The following SHANK2 variants were observed in gnomAD, a reference collection of about 807,000 sequenced individuals.
SHANK2 encodes SH3 and multiple ankyrin repeat domains protein 2.
SHANK2 carries 43 observed loss-of-function variants against 133.7 expected under a neutral mutation model. The ratio of observed to expected loss-of-function variants is 0.32; its 90% CI spans 0.25 to 0.41. SHANK2 has a LOEUF of 0.41. Among genes scored for constraint, SHANK2 ranks in the 10% least tolerant of loss-of-function variants. The pLI, the probability that SHANK2 is intolerant of heterozygous loss-of-function variation, is 1.00. For synonymous variants in SHANK2, 1,017 were observed against 952.8 expected (o/e 1.07, Z -1.24); for missense variants, 1,994 against 2,235.8 (o/e 0.89, Z 2.18).
At chr11:71,167,724 C>G (rs1953200492) in intron 2 of SHANK2, among the ~76,000 whole-genome samples, 1 of 141,140 alleles carries the variant, frequency 7.1e-6, no homozygotes, top group Non-Finnish European at 1.6e-5. Context: ...AGGGGCTCCT[C>G]ACTTCCCAGT....
At chr11:70,940,604 C>T (rs1309798214) in intron 10 of SHANK2, among the ~76,000 whole-genome samples, 1 of 151,998 alleles carries the variant, frequency 6.6e-6, no homozygotes, top group African/African-American at 2.4e-5. Context: ...TACCCAGTGC[C>T]CCTCCTCCTC....
intron 9 of SHANK2, among the ~76,000 whole-genome samples, chr11:71,057,914 G>GTTTTTTTTTTTTT (rs879235729): frequency 8.3e-6 from 1 of 121,126 alleles, no homozygotes; most frequent in African/African-American, 3.6e-5. Context: ...AAGCAAAACG[G>GTTTTTTTTTTTTT]TTTTTTTTTT....
intron 2 of SHANK2, among the ~76,000 whole-genome samples, chr11:71,191,317 G>A (rs137942404): frequency 3.2e-4 from 49 of 152,184 alleles, no homozygotes; most frequent in African/African-American, 9.1e-4. Context: ...AGATGTCTTC[G>A]CCTGGGCTAC....
At chr11:70,948,528 ATGGGAACACAGAGTC>A (rs1950787700) in intron 10 of SHANK2, among the ~76,000 whole-genome samples, 1 of 152,218 alleles carries the variant, frequency 6.6e-6, no homozygotes, top group African/African-American at 2.4e-5. Context: ...CCCTGTTTCT[ATGGGAACACAGAGTC>A]TGAATCCCAA....
At chr11:70,625,786 C>T (rs1298794013) in intron 17 of SHANK2, among the ~76,000 whole-genome samples, 1 of 131,350 alleles carries the variant, frequency 7.6e-6, no homozygotes, top group Admixed American at 8.7e-5. Context: ...CTCAGTGCAG[C>T]CTCTTGGATC....
intron 25 of SHANK2, chr11:70,477,624 T>C (rs2058679704): frequency 6.6e-6 from 1 of 152,182 alleles, no homozygotes; most frequent in African/African-American, 2.4e-5. Context: ...CGAACATTCC[T>C]GGTGGGGGAG....
chr11:70,883,986 C>G (rs1949697812), intron 11 of SHANK2, among the ~76,000 whole-genome samples: 1 of 152,190 alleles, frequency 6.6e-6, no homozygotes, highest in Non-Finnish European at 1.5e-5. Context: ...AGTCCTCGGT[C>G]TCAGAAGGGT....
chr11:70,732,696 G>C (rs1406779857), intron 14 of SHANK2, among the ~76,000 whole-genome samples: 2 of 152,164 alleles, frequency 1.3e-5, no homozygotes, highest in African/African-American at 4.8e-5. Flanking sequence ...CCATGCCCAC[G>C]CAGCCCATGC....
chr11:70,837,772 C>T (rs533573548), intron 11 of SHANK2, among the ~76,000 whole-genome samples: 6 of 151,826 alleles, frequency 4.0e-5, no homozygotes, highest in South Asian at 2.1e-4. Context: ...GTCAAGAGTT[C>T]GAGACCAGCC....
intron 14 of SHANK2, among the ~76,000 whole-genome samples, chr11:70,770,519 C>T (rs1393169034): frequency 3.3e-5 from 5 of 152,224 alleles, no homozygotes; most frequent in Admixed American, 6.5e-5. Flanking sequence ...GCCAATGAGC[C>T]GGGGTCACCA....
chr11:70,520,448 T>A (rs782676335), intron 17 of SHANK2, among the ~76,000 whole-genome samples: 40 of 152,164 alleles, frequency 2.6e-4, no homozygotes, highest in Non-Finnish European at 5.0e-4. Context: ...ATTATTAGAC[T>A]GAGGTATATA....
intron 2 of SHANK2, among the ~76,000 whole-genome samples, chr11:71,168,205 G>A (rs1953224005): frequency 7.4e-6 from 1 of 135,216 alleles, no homozygotes; most frequent in Admixed American, 7.0e-5. Flanking sequence ...GGGCAGAGGT[G>A]CTCCCCACAT....
At chr11:71,214,753 T>C (rs1310600140) in intron 2 of SHANK2, among the ~76,000 whole-genome samples, 3 of 152,086 alleles carry the variant, frequency 2.0e-5, no homozygotes, top group Non-Finnish European at 4.4e-5. Flanking sequence ...GGGTGGGGTA[T>C]CGCGCAGTTC....
At chr11:70,902,165 G>A (rs559727408) in intron 10 of SHANK2, among the ~76,000 whole-genome samples, 123 of 152,270 alleles carry the variant, frequency 8.1e-4, no homozygotes, top group African/African-American at 2.7e-3. Flanking sequence ...GCGGCCACCC[G>A]GGCAGTGTCA....
intron 17 of SHANK2, among the ~76,000 whole-genome samples, chr11:70,640,948 G>A (rs1280747738): frequency 1.3e-5 from 2 of 152,180 alleles, no homozygotes; most frequent in South Asian, 2.1e-4. Context: ...GAGCCTCTTC[G>A]CTTGAGGCCT....
In SHANK2 at chr11:70,659,734, C is replaced by A. The variant is rs184086475; in HGVS notation, c.2061+94G>T. ...GGCAGCCTCCACAAGCACCCCCAGACTGGGCCTCGTGGCTGTGCTGCCAGG... is the reference window on the plus strand; with the variant it reads ...GGCAGCCTCCACAAGCACCCCCAGAATGGGCCTCGTGGCTGTGCTGCCAGG... On this transcript the variant is annotated intron_variant, in intron 17 of 25. Transcript: ENST00000601538. 4.6e-6 allele frequency: 7 copies of A among 1,507,232 alleles called. No homozygotes were observed. In the African/African-American group the frequency reaches 5.5e-5, roughly 12 times the overall value. 93.4% of individuals were successfully genotyped at this position (1,507,232 alleles called of 1,614,324 possible).
At chr11:71,075,574 C>T (rs1440743558) in intron 8 of SHANK2, among the ~76,000 whole-genome samples, 2 of 152,280 alleles carry the variant, frequency 1.3e-5, no homozygotes, top group South Asian at 2.1e-4. Context: ...ATCCTGATCC[C>T]GGGGCCTAGA....
intron 1 of SHANK2, among the ~76,000 whole-genome samples, chr11:71,246,042 A>T (rs1173751124): frequency 1.3e-5 from 2 of 152,102 alleles, no homozygotes; most frequent in African/African-American, 4.8e-5. Flanking sequence ...CAGGGGTACA[A>T]ATGAGGCCAC....
At chr11:70,519,150 A>G (rs2059299950) in intron 17 of SHANK2, among the ~76,000 whole-genome samples, 1 of 152,052 alleles carries the variant, frequency 6.6e-6, no homozygotes, top group Non-Finnish European at 1.5e-5. Flanking sequence ...GGCTCAAGTG[A>G]TACACCTGGG....
Sources: gnomAD v4.1 joint callset for allele counts (sites outside exome capture counted in the v4.1 genomes callset) on GRCh38, gnomAD v4.1.1 for gene constraint, MANE v1.5 for transcripts, NCBI Gene and HGNC (gene_info 2026-07-23, HGNC 2026-07-21) for gene names.